PNO1: variants seen among roughly 807,000 people sequenced by gnomAD.
The protein encoded by PNO1 is RNA-binding protein PNO1.
Under a neutral mutation model 28.4 loss-of-function variants are expected in PNO1, and 16 were observed. The ratio of observed to expected loss-of-function variants is 0.56; its 90% CI spans 0.38 to 0.85. The LOEUF (loss-of-function observed/expected upper bound fraction) is 0.85. Among genes scored for constraint, PNO1 ranks in the 40% least tolerant of loss-of-function variants. PNO1 has a pLI of 0.00. For synonymous variants in PNO1, 115 were observed against 110.8 expected (o/e 1.04, Z -0.24); for missense variants, 304 against 312.2 (o/e 0.97, Z 0.20).
chr2:68,162,149 A>AT (rs1673848001), intron 3 of PNO1, 116 bp from the exon 4 acceptor site: 3 of 799,962 alleles, frequency 3.8e-6, no homozygotes, highest in African/African-American at 1.8e-5. Context: ...CAAGGGAAAA[A>AT]AAAAAGCTTT....
At position 68,162,657 on chromosome 2, in the gene PNO1, C is replaced by T; in HGVS notation, c.614C>T (p.Ala205Val). Residue 205 changes from alanine to valine, a missense_variant, in exon 5 of 7, where the codon GCT becomes GTT. By Grantham distance (64) the Ala-to-Val change is moderately conservative (BLOSUM62 0). Coordinates refer to ENST00000263657, the MANE Select transcript of PNO1 (RefSeq NM_020143.4). ...GTGACACGGACAAGGATAGTTTTGG[C>T]TGATGTGTAAGTATCTGATCTTGAG... ...ENVTRTRIVLADVKVHILGSF... is the reference protein window; with the variant it reads ...ENVTRTRIVLVDVKVHILGSF... 1.3e-6 allele frequency: 2 copies of T among 1,586,986 alleles called. No homozygotes were observed. The highest frequency in any genetic ancestry group is 1.7e-6 in the Non-Finnish European group (2 of 1,155,444).
intron 5 of PNO1, among the ~76,000 whole-genome samples, chr2:68,169,796 T>C (rs1674080997): frequency 6.6e-6 from 1 of 152,226 alleles, no homozygotes; most frequent in African/African-American, 2.4e-5. Context: ...ATTTCTACGA[T>C]ACTTAGCTCC....
chr2:68,158,290 T>A, intron 1 of PNO1, 90 bp from the exon 2 acceptor site: 4 of 1,411,846 alleles, frequency 2.8e-6, no homozygotes, highest in South Asian at 2.7e-5. Context: ...CTAGTTCAGT[T>A]AAAGGAGGCC....
chr2:68,173,291 A>C (rs1674179502), intron 5 of PNO1, 56 bp from the exon 6 acceptor site: 1 of 1,046,518 alleles, frequency 9.6e-7, no homozygotes, highest in African/African-American at 1.6e-5. Flanking sequence ...TGCTGGGATT[A>C]CAGGTGTGAG....
intron 5 of PNO1, among the ~76,000 whole-genome samples, chr2:68,167,234 C>T (rs564346629): frequency 6.6e-6 from 1 of 152,220 alleles, no homozygotes; most frequent in East Asian, 1.9e-4. Flanking sequence ...GTTCTGGAGG[C>T]TGAATTAGAG....
intron 3 of PNO1, 86 bp downstream of exon 3, chr2:68,161,852 AGGCC>A: frequency 2.3e-5 from 20 of 876,942 alleles, no homozygotes; most frequent in Non-Finnish European, 3.3e-5. Context: ...AAAAAAAAAA[AGGCC>A]AGGCACAGTG....
chr2:68,165,608 G>C (rs1306633612), intron 5 of PNO1, among the ~76,000 whole-genome samples: 1 of 150,352 alleles, frequency 6.7e-6, no homozygotes, highest in African/African-American at 2.5e-5. Flanking sequence ...CAGCACTTTG[G>C]GAGGCTAAGG....
chr2:68,158,434 T>C lies in PNO1; in HGVS notation c.262T>C (p.Leu88=), dbSNP rs756547706. Residue 88 remains leucine (L), a synonymous_variant, in exon 2 of 7, where the codon TTG becomes CTG. Transcript: ENST00000263657. Reference sequence around the variant, plus strand: ...AGTCCCAGCTAACAGATACACACCATTGAAAGAAAACTGGATGAAGATATT... The same window carrying C: ...AGTCCCAGCTAACAGATACACACCACTGAAAGAAAACTGGATGAAGATATT... The part of the protein sequence containing the change: ...IPVPANRYTP[L]KENWMKIFTP... 5.6e-6 allele frequency: 9 copies of C among 1,613,448 alleles called. No homozygotes were observed. The highest frequency in any genetic ancestry group is 1.7e-5 in the Admixed American group (1 of 59,972).
At chr2:68,164,797 CA>C (rs1673933333) in intron 5 of PNO1, among the ~76,000 whole-genome samples, 1 of 151,706 alleles carries the variant, frequency 6.6e-6, no homozygotes. Flanking sequence ...ACCTTGTATC[CA>C]AAAAATAAAA....
At position 68,157,963 on chromosome 2, in the gene PNO1, C is replaced by G; in HGVS notation, c.29C>G (p.Ala10Gly). The change falls in exon 1 of 7, where the codon GCC (alanine) becomes GGC (glycine). Residue 10 changes from alanine to glycine, a missense_variant. By Grantham distance (60) the Ala-to-Gly change is moderately conservative. Coordinates refer to ENST00000263657, the MANE Select transcript of PNO1 (RefSeq NM_020143.4). Reference protein sequence around the residue: MESEMETQSARAEEGFTQVT... With the variant: MESEMETQSGRAEEGFTQVT... The stretch of plus-strand genomic sequence containing the variant: ...GAATCCGAAATGGAAACGCAGAGCG[C>G]CAGGGCAGAGGAGGGCTTTACCCAG... 1 of 1,614,094 alleles carries G rather than the reference C, an allele frequency of 6.2e-7. No individual in the cohort carries two copies. Among genetic ancestry groups the G allele is most frequent in the Non-Finnish European group, 8.5e-7 (1 of 1,180,020 alleles).
At chr2:68,170,747 CAAAAAAA>C (rs767088135) in intron 5 of PNO1, among the ~76,000 whole-genome samples, 5 of 61,098 alleles carry the variant, frequency 8.2e-5, no homozygotes, top group African/African-American at 1.1e-4. Flanking sequence ...GACTCCGTCT[CAAAAAAA>C]AAAAAAAAAA....
At chr2:68,164,375 C>T (rs1048018143) in intron 5 of PNO1, among the ~76,000 whole-genome samples, 2 of 152,094 alleles carry the variant, frequency 1.3e-5, no homozygotes, top group African/African-American at 4.8e-5. Context: ...CCTGTAGTCC[C>T]AGCTACTTGG....
chr2:68,170,347 T>C (rs1007804648), intron 5 of PNO1, among the ~76,000 whole-genome samples: 6 of 152,218 alleles, frequency 3.9e-5, no homozygotes, highest in Admixed American at 3.3e-4. Flanking sequence ...TTTGGTTCTT[T>C]GTGCAGCAAA....
intron 5 of PNO1, chr2:68,173,108 A>G (rs1674175818): frequency 1.3e-5 from 2 of 155,826 alleles, no homozygotes; most frequent in African/African-American, 4.4e-5. Context: ...TTTTTTTTTT[A>G]AGAGAGAGGG....
At chr2:68,168,769 A>G (rs1674054623) in intron 5 of PNO1, among the ~76,000 whole-genome samples, 1 of 151,964 alleles carries the variant, frequency 6.6e-6, no homozygotes, top group Admixed American at 6.6e-5. Flanking sequence ...AGGTGTATTC[A>G]TATCTGCTGT....
At chr2:68,160,717 G>A (rs1673808630) in intron 2 of PNO1, among the ~76,000 whole-genome samples, 1 of 152,182 alleles carries the variant, frequency 6.6e-6, no homozygotes, top group Non-Finnish European at 1.5e-5. Context: ...TATTATACTA[G>A]TAGGGAACAC....
Position 68,157,913 on chromosome 2 carries a change from C to T in PNO1, c.-22C>T. On this transcript the variant is annotated 5_prime_UTR_variant, in exon 1 of 7. Coordinates refer to ENST00000263657, the MANE Select transcript of PNO1 (RefSeq NM_020143.4). ...GCAGCTGCGCACGTGTTTCAGCCGG[C>T]AGCGCTTTAAGATTTCCGGGGATGG... The T allele has an allele frequency of 6.2e-7, 1 of 1,607,574 alleles. No individual in the cohort carries two copies. Among genetic ancestry groups the T allele is most frequent in the Non-Finnish European group, 8.5e-7 (1 of 1,174,662 alleles).
At chr2:68,174,684 C>T (rs781105268) in intron 6 of PNO1, 51 bp from the exon 7 acceptor site, 11 of 1,239,520 alleles carry the variant, frequency 8.9e-6, no homozygotes, top group African/African-American at 1.5e-5. Context: ...CAACTGTAGG[C>T]GCTATAAATG....
rs970063959 is a variant in PNO1 at position 68,158,121 on chromosome 2, C to G, written c.187C>G (p.Leu63Val). ...GGCGAAGAGGCCCGTCTTCCCACCC[C>G]TCTGTGGGGACGGGCTCCTGGTATG... The part of the protein sequence containing the change: ...RPAKRPVFPP[L>V]CGDGLLSGKE... Residue 63 changes from leucine (L) to valine (V), a missense_variant, in exon 1 of 7, where the codon CTC becomes GTC. Coordinates refer to ENST00000263657, the MANE Select transcript of PNO1 (RefSeq NM_020143.4). 2 of 1,604,794 alleles carry G rather than the reference C, an allele frequency of 1.2e-6. No homozygotes were observed. The highest frequency in any genetic ancestry group is 1.7e-5 in the Admixed American group (1 of 58,012).
Sources: gnomAD v4.1 joint callset for allele counts (sites outside exome capture counted in the v4.1 genomes callset) on GRCh38, gnomAD v4.1.1 for gene constraint, MANE v1.5 for transcripts, NCBI Gene and HGNC (gene_info 2026-07-23, HGNC 2026-07-21) for gene names.